The following PRKN variants were observed in gnomAD, a reference collection of about 807,000 sequenced individuals.
PRKN encodes E3 ubiquitin-protein ligase parkin.
A neutral mutation model predicts 59.5 loss-of-function variants in PRKN; 56 were observed. The observed-to-expected ratio is 0.94, with a 90% CI of 0.76 to 1.18. The LOEUF is 1.18. Among genes scored for constraint, PRKN ranks in the 50% most tolerant of loss-of-function variants. PRKN has a pLI of 0.00. For missense variants in PRKN, 657 were observed against 596.4 expected, an observed-to-expected ratio of 1.10 and a Z score of -1.06; for synonymous variants, 250 against 222.1, an observed-to-expected ratio of 1.13 and a Z score of -1.12.
chr6:162,390,406 C>A (rs1359514612), intron 2 of PRKN, among the ~76,000 whole-genome samples: 1 of 109,718 alleles, frequency 9.1e-6, no homozygotes, highest in African/African-American at 3.7e-5. Flanking sequence ...TACACACACA[C>A]ACACACACAC....
intron 6 of PRKN, among the ~76,000 whole-genome samples, chr6:161,969,631 C>G (rs1780725254): frequency 6.6e-6 from 1 of 152,002 alleles, no homozygotes; most frequent in Non-Finnish European, 1.5e-5. Flanking sequence ...CCACGGTCCC[C>G]CTGACCAGGA....
At chr6:161,749,052 G>C (rs1788560930) in intron 7 of PRKN, among the ~76,000 whole-genome samples, 1 of 152,132 alleles carries the variant, frequency 6.6e-6, no homozygotes, top group African/African-American at 2.4e-5. Context: ...AAGGGGAGGG[G>C]GTCCTTGTAC....
intron 2 of PRKN, among the ~76,000 whole-genome samples, chr6:162,413,585 T>C (rs747084908): frequency 2.0e-5 from 3 of 152,218 alleles, no homozygotes; most frequent in Non-Finnish European, 4.4e-5. Flanking sequence ...CTCTACTCAT[T>C]TCCTTTTTTT....
chr6:161,575,562 C>T lies in PRKN; in HGVS notation c.872-6146G>A, dbSNP rs759666866. On this transcript the variant is annotated intron_variant, in intron 7 of 11. Transcript: ENST00000366898. This position sits in a 1 kb window ranked among gnomAD's most constrained non-coding sequence, Gnocchi z 4.6. ...AAGCATTAAAAACCACATGAGTCTT[C>T]GATCACTATTTTTCCTTTTAATTTC... 1.3e-5 allele frequency among the ~76,000 whole-genome samples: 2 copies of T among 152,196 alleles called. No individual in the cohort carries two copies. The highest frequency in any genetic ancestry group is 1.9e-4 in the East Asian group (1 of 5,194).
intron 2 of PRKN, among the ~76,000 whole-genome samples, chr6:162,397,671 C>T (rs1787542787): frequency 6.6e-6 from 1 of 152,150 alleles, no homozygotes; most frequent in South Asian, 2.1e-4. Flanking sequence ...TGCACTGTCA[C>T]CGCTGACATT....
At chr6:162,120,435 T>C (rs566406532) in intron 4 of PRKN, among the ~76,000 whole-genome samples, 3 of 152,280 alleles carry the variant, frequency 2.0e-5, no homozygotes, top group South Asian at 2.1e-4. Context: ...TTTCACCTAA[T>C]AGGACAACCA....
At chr6:162,684,843 AT>A (rs1186002989) in intron 1 of PRKN, among the ~76,000 whole-genome samples, 1 of 152,192 alleles carries the variant, frequency 6.6e-6, no homozygotes, top group African/African-American at 2.4e-5. Flanking sequence ...GACCAAACAG[AT>A]CTGTAAAATA....
Position 162,365,589 on chromosome 6 carries a change from C to A in PRKN, c.171+77721G>T, listed in dbSNP as rs76783419. Among the ~76,000 whole-genome samples, 1,230 of 152,222 alleles carry A rather than the reference C, an allele frequency of 8.1e-3. 18 individuals are homozygous for A. Among genetic ancestry groups the A allele is most frequent in the African/African-American group, 0.028 (1,150 of 41,542 alleles). ...GCCTTTCTTCCATGCCTGGGCTAAG[C>A]CAACCTTGTCTCTGCATCTCTGTGG... On this transcript the variant is annotated intron_variant, in intron 2 of 11. Transcript: ENST00000366898.
chr6:162,021,156 AT>A lies in PRKN; in HGVS notation c.618+32934del, dbSNP rs1284124037. The stretch of plus-strand genomic sequence containing the variant: ...TATATATATATATATATATATATAT[AT>A]ATATATATAAAATATATGTGTATAT... On this transcript the variant is annotated intron_variant, in intron 5 of 11. Coordinates refer to ENST00000366898, the MANE Select transcript of PRKN (RefSeq NM_004562.3). 7.5e-4 allele frequency among the ~76,000 whole-genome samples: 15 copies of A among 19,974 alleles called. 2 individuals carry two copies. In the East Asian group the frequency reaches 0.024, roughly 31 times the overall value. 13.1% of individuals were successfully genotyped at this position (19,974 alleles called of 152,430 possible).
intron 5 of PRKN, among the ~76,000 whole-genome samples, chr6:161,981,427 C>G (rs1224610906): frequency 1.3e-5 from 2 of 152,122 alleles, no homozygotes; most frequent in South Asian, 4.1e-4. Flanking sequence ...CACCCATTGT[C>G]CCAGCTATTT....
intron 6 of PRKN, among the ~76,000 whole-genome samples, chr6:161,945,422 C>T (rs1025336841): frequency 6.6e-6 from 1 of 152,154 alleles, no homozygotes; most frequent in Non-Finnish European, 1.5e-5. Context: ...TTTCTTCCTT[C>T]CATATATCTG....
intron 2 of PRKN, among the ~76,000 whole-genome samples, chr6:162,361,229 A>G (rs1402567468): frequency 1.3e-5 from 2 of 150,984 alleles, no homozygotes; most frequent in Non-Finnish European, 3.0e-5. Context: ...TTAGGGGAAA[A>G]GAGAGAGAGA....
intron 1 of PRKN, among the ~76,000 whole-genome samples, chr6:162,726,523 T>A (rs1180365263): frequency 6.6e-6 from 1 of 152,188 alleles, no homozygotes; most frequent in Non-Finnish European, 1.5e-5. Context: ...ACATTCTTGT[T>A]TTACCACAAA....
Position 162,153,232 on chromosome 6 carries a change from C to T in PRKN, c.534+47899G>A, listed in dbSNP as rs115468398. 1.9e-3 allele frequency among the ~76,000 whole-genome samples: 295 copies of T among 152,360 alleles called. 1 individual carries two copies. Among genetic ancestry groups the T allele is most frequent in the African/African-American group, 6.5e-3 (271 of 41,600 alleles). On this transcript the variant is annotated intron_variant, in intron 4 of 11. Transcript: ENST00000366898. ...GAGTGCAGGAACAAGCCTGCTCCTT[C>T]GGCACCAGCAGGAACAAACTCCAAT...
intron 7 of PRKN, among the ~76,000 whole-genome samples, chr6:161,610,663 G>A (rs893453671): frequency 2.6e-5 from 4 of 151,958 alleles, no homozygotes; most frequent in African/African-American, 9.7e-5. Flanking sequence ...AGTAGAACAG[G>A]AGGAGCAAAT....
At chr6:161,638,805 G>T (rs978034418) in intron 7 of PRKN, among the ~76,000 whole-genome samples, 4 of 145,696 alleles carry the variant, frequency 2.7e-5, no homozygotes, top group African/African-American at 1.0e-4. Context: ...GCAGTGGCAC[G>T]ATCTCGGCTT....
intron 1 of PRKN, among the ~76,000 whole-genome samples, chr6:162,562,970 G>C (rs974356552): frequency 3.3e-5 from 5 of 152,122 alleles, no homozygotes; most frequent in African/African-American, 1.2e-4. Flanking sequence ...TCAAGCTTTA[G>C]GTGGCTCAGA....
Position 161,360,172 on chromosome 6 carries a change from C to G in PRKN, c.1201G>C (p.Ala401Pro). 6.2e-7 allele frequency: 1 copy of G among 1,614,198 alleles called. No individual in the cohort carries two copies. The highest frequency in any genetic ancestry group is 1.1e-5 in the South Asian group (1 of 91,088). ...TCTTTGGAGGCTGCTTCCCAACGAG[C>G]CTGCTCGGCGGCTCTTTCATCGACT... ...YRVDERAAEQ[A>P]RWEAASKETI... Residue 401 changes from alanine to proline, a missense_variant, in exon 11 of 12, where the codon GCT becomes CCT. Ala to Pro is a conservative substitution (Grantham distance 27). Transcript: ENST00000366898. The surrounding 1 kb of genome is among the most constrained non-coding windows in gnomAD (Gnocchi z 5.1).
Position 161,579,729 on chromosome 6 carries a change from G to A in PRKN, c.872-10313C>T, listed in dbSNP as rs1781265659. The stretch of plus-strand genomic sequence containing the variant: ...TAAAAATGAGGTAAAGAGAGGGGCT[G>A]GGGGTAAAGTGGAATGGGGCAGGGG... On this transcript the variant is annotated intron_variant, in intron 7 of 11. Coordinates refer to ENST00000366898, the MANE Select transcript of PRKN (RefSeq NM_004562.3). The surrounding 1 kb of genome is among the most constrained non-coding windows in gnomAD (Gnocchi z 4.2). Among the ~76,000 whole-genome samples the A allele has an allele frequency of 6.9e-6, 1 of 144,278 alleles. No homozygotes were observed. The highest frequency in any genetic ancestry group is 2.9e-5 in the African/African-American group (1 of 34,700). The allele number at this position is 144,278 out of a possible 152,430, so 94.7% of individuals were successfully genotyped here. A position where few individuals can be genotyped will look rare whatever the true frequency, so the allele number is the denominator to read the frequency against.
Sources: allele counts gnomAD v4.1 joint callset (sites outside exome capture counted in the v4.1 genomes callset), GRCh38; gene constraint gnomAD v4.1.1; non-coding constraint Gnocchi (gnomAD v3.1); transcripts MANE v1.5; gene names NCBI Gene and HGNC (gene_info 2026-07-23, HGNC 2026-07-21).